Variants in MYOF observed in about 807,000 individuals in gnomAD.
MYOF encodes the protein fer-1-like 3, myoferlin.
Under a neutral mutation model 284.2 loss-of-function variants are expected in MYOF, and 244 were observed. The observed-to-expected ratio is 0.86, with a 90% confidence interval of 0.77 to 0.95. The LOEUF is 0.95. Ranked by LOEUF, MYOF falls within the 40% of genes least tolerant of loss-of-function variation. The pLI is 0.00. For synonymous variants in MYOF, 904 were observed against 919.7 expected (o/e 0.98, Z 0.31); for missense variants, 2,496 against 2,560.6 (o/e 0.97, Z 0.54).
At chr10:93,361,623 C>T in intron 27 of MYOF, 66 bp from the exon 28 acceptor site, 1 of 1,454,402 alleles carries the variant, frequency 6.9e-7, no homozygotes, top group South Asian at 1.2e-5. Context: ...GGCAAAGGGT[C>T]CAATATAGTT....
intron 21 of MYOF, among the ~76,000 whole-genome samples, chr10:93,378,964 C>T (rs1270487196): frequency 6.6e-6 from 1 of 151,946 alleles, no homozygotes; most frequent in African/African-American, 2.4e-5. Flanking sequence ...GATCTGCCCA[C>T]CTTGGTATCC....
In MYOF at chr10:93,351,366, A is replaced by G. The variant is rs56163868; in HGVS notation, c.3822+47T>C. On this transcript the variant is annotated intron_variant, in intron 34 of 53. Transcript: ENST00000359263. ...CAAACAGTGCCTAGAATTAACATGCATTTTAAGCAGCTGACAGAATACATG... is the reference window on the plus strand; with the variant it reads ...CAAACAGTGCCTAGAATTAACATGCGTTTTAAGCAGCTGACAGAATACATG... The G allele has an allele frequency of 2.2e-3, 3,494 of 1,610,446 alleles. 57 individuals are homozygous for G. In the African/African-American group the frequency reaches 0.031, roughly 14 times the overall value.
chr10:93,406,570 C>CGG lies in MYOF; in HGVS notation c.729+2216_729+2217insCC, dbSNP rs60703429. ...ATCCAGCATCTTGCCTCCTCCCCAC[C>CGG]CATCCAGTCTTGCCCTCCAACGTGA... On this transcript the variant is annotated intron_variant, in intron 7 of 53. Coordinates refer to ENST00000359263, the MANE Select transcript of MYOF (RefSeq NM_013451.4). Among the ~76,000 whole-genome samples the CGG allele has an allele frequency of 7.3e-5, 11 of 150,226 alleles. No individual in the cohort carries two copies. The South Asian group carries it at 2.1e-3, about 29-fold the overall frequency.
chr10:93,413,200 T>A (rs1847978171), intron 5 of MYOF, among the ~76,000 whole-genome samples: 1 of 152,220 alleles, frequency 6.6e-6, no homozygotes, highest in South Asian at 2.1e-4. Context: ...GTGGATGCTC[T>A]AGAATCAGCC....
At chr10:93,339,127 C>T (rs1843758791) in intron 39 of MYOF, among the ~76,000 whole-genome samples, 1 of 151,306 alleles carries the variant, frequency 6.6e-6, no homozygotes, top group Non-Finnish European at 1.5e-5. Context: ...ATTCTCCTGC[C>T]TCAGCCTCCC....
chr10:93,318,772 A>T (rs1035678521), intron 49 of MYOF, among the ~76,000 whole-genome samples: 2 of 152,138 alleles, frequency 1.3e-5, no homozygotes, highest in Non-Finnish European at 2.9e-5. Context: ...AAAACAAAAA[A>T]TAGTGCTTAC....
chr10:93,455,796 A>G (rs953082110), intron 2 of MYOF, among the ~76,000 whole-genome samples: 6 of 152,200 alleles, frequency 3.9e-5, no homozygotes, highest in African/African-American at 1.2e-4. Flanking sequence ...AATAACAAAG[A>G]CATTCATTAT....
chr10:93,443,221 G>C (rs1246189290), intron 3 of MYOF, among the ~76,000 whole-genome samples: 1 of 152,132 alleles, frequency 6.6e-6, no homozygotes, highest in African/African-American at 2.4e-5. Flanking sequence ...TACTGATTGT[G>C]TGCCATTTCT....
At chr10:93,379,156 A>T (rs569041578) in intron 21 of MYOF, among the ~76,000 whole-genome samples, 1 of 152,056 alleles carries the variant, frequency 6.6e-6, no homozygotes, top group African/African-American at 2.4e-5. Context: ...GAAATCCCCA[A>T]CCTCCAAACA....
intron 36 of MYOF, among the ~76,000 whole-genome samples, chr10:93,348,844 G>A (rs1844368308): frequency 6.6e-6 from 1 of 151,438 alleles, no homozygotes; most frequent in Non-Finnish European, 1.5e-5. Context: ...GGTGTACCAA[G>A]TAAGAATGCA....
At chr10:93,343,775 T>C in intron 38 of MYOF, 81 bp downstream of exon 38, 2 of 1,410,664 alleles carry the variant, frequency 1.4e-6, no homozygotes, top group South Asian at 2.3e-5. Flanking sequence ...AACTGTTGTT[T>C]GACTGAATTC....
Position 93,351,527 on chromosome 10 carries a change from C to T in MYOF, c.3708G>A (p.Val1236=), listed in dbSNP as rs1424193431. 1 of 1,614,224 alleles carries T rather than the reference C, an allele frequency of 6.2e-7. No homozygotes were observed. Among genetic ancestry groups the T allele is most frequent in the Non-Finnish European group, 8.5e-7 (1 of 1,180,050 alleles). ...TGATGTCCATTTCTGAGTTCAGTTT[C>T]ACCACAGGAGAGAAAATGCTTCGTC... is the stretch of plus-strand genomic sequence containing the variant. ...FLGRSIFSPV[V]KLNSEMDITP... is the part of the protein sequence containing the mutation. Residue 1236 remains valine (V), a synonymous_variant, in exon 34 of 54, where the codon GTG becomes GTA. Coordinates refer to ENST00000359263, the MANE Select transcript of MYOF (RefSeq NM_013451.4).
chr10:93,336,845 AAAAGAAGGAAG>A (rs1300877721), intron 40 of MYOF, among the ~76,000 whole-genome samples: 1 of 150,152 alleles, frequency 6.7e-6, no homozygotes, highest in East Asian at 2.0e-4. Flanking sequence ...AGGCAGGAAG[AAAAGAAGGAAG>A]GAAGAAGGAA....
chr10:93,409,607 C>A lies in MYOF; in HGVS notation c.566G>T (p.Arg189Leu). The A allele has an allele frequency of 2.5e-6, 4 of 1,614,144 alleles. No individual in the cohort carries two copies. The South Asian group carries it at 4.4e-5, about 18-fold the overall frequency. Residue 189 changes from arginine to leucine, a missense_variant, in exon 6 of 54, where the codon CGG becomes CTG. Arg to Leu is a moderately radical substitution (Grantham distance 102, BLOSUM62 -2). Transcript: ENST00000359263. ...ARRLTKVKNSRRMLSNKPQDF... is the reference protein window; with the variant it reads ...ARRLTKVKNSLRMLSNKPQDF... ...CTGTGGCTTATTTGACAGCATCCGCCGGCTGTTCTTTACTTTGGTGAGCCT... is the reference window on the plus strand; with the variant it reads ...CTGTGGCTTATTTGACAGCATCCGCAGGCTGTTCTTTACTTTGGTGAGCCT...
intron 50 of MYOF, among the ~76,000 whole-genome samples, chr10:93,316,145 A>G (rs1169712858): frequency 1.3e-5 from 2 of 152,028 alleles, no homozygotes; most frequent in Admixed American, 1.3e-4. Context: ...ATAAAAAAAT[A>G]GAGTGGGATG....
intron 21 of MYOF, among the ~76,000 whole-genome samples, chr10:93,379,404 T>G (rs1024160161): frequency 4.3e-4 from 65 of 152,344 alleles, no homozygotes; most frequent in African/African-American, 1.5e-3. Context: ...TATCTGGGCA[T>G]ATGCCTGCCC....
chr10:93,329,575 A>G (rs1022498189), intron 44 of MYOF, 89 bp downstream of exon 44: 12 of 1,368,582 alleles, frequency 8.8e-6, no homozygotes, highest in Non-Finnish European at 8.2e-6. Context: ...GGCTCAGTGA[A>G]GGAAGGCACT....
chr10:93,356,824 C>T lies in MYOF; in HGVS notation c.3145G>A (p.Glu1049Lys). 1 of 1,613,406 alleles carries T rather than the reference C, an allele frequency of 6.2e-7. No homozygotes were observed. Residue 1049 changes from glutamate (E) to lysine (K), a missense_variant, in exon 30 of 54, where the codon GAG becomes AAG. This residue lies in a region of MYOF where 2,436 missense variants were observed against 2,480.7 expected (regional missense o/e 0.98). Coordinates refer to ENST00000359263, the MANE Select transcript of MYOF (RefSeq NM_013451.4). ...ATTAGAGAAGCATATTCCCAGCCCTCTTGGTCTTGCAATTCCTCCATGGCC... is the reference window on the plus strand; with the variant it reads ...ATTAGAGAAGCATATTCCCAGCCCTTTTGGTCTTGCAATTCCTCCATGGCC... Reference protein sequence around the residue: ...ARAMEELQDQEGWEYASLIGW... With the variant: ...ARAMEELQDQKGWEYASLIGW...
In MYOF at chr10:93,319,930, C is replaced by G. The variant is rs1202083218; in HGVS notation, c.5540G>C (p.Arg1847Pro). 2 of 1,614,148 alleles carry G rather than the reference C, an allele frequency of 1.2e-6. No individual in the cohort carries two copies. Among genetic ancestry groups the G allele is most frequent in the South Asian group, 1.1e-5 (1 of 91,076 alleles). The change falls in exon 49 of 54, where the codon CGA (arginine) becomes CCA (proline). Residue 1847 changes from arginine (R) to proline (P), a missense_variant. Physicochemically the swap from Arg to Pro is moderately radical, Grantham distance 103 (BLOSUM62 -2). Transcript: ENST00000359263. ...SLDGEGNFNW[R>P]FVFPFDYLPA... The stretch of plus-strand genomic sequence containing the variant: ...AAGGTAGTCAAACGGGAAAACAAAT[C>G]GCCAGTTAAAATTCCCTTCACCATC...
Sources: gnomAD v4.1 joint callset for allele counts (sites outside exome capture counted in the v4.1 genomes callset) on GRCh38, gnomAD v4.1.1 for gene constraint, gnomAD v4.1.1 regional missense constraint, MANE v1.5 for transcripts, NCBI Gene and HGNC (gene_info 2026-07-23, HGNC 2026-07-21) for gene names.